Variants in CREBBP observed in about 807,000 individuals in gnomAD.
CREBBP encodes CREB binding lysine acetyltransferase.
A neutral mutation model predicts 265.0 loss-of-function variants in CREBBP; 19 were observed. That is an observed-to-expected ratio of 0.07 (90% CI 0.05 to 0.11). The LOEUF (loss-of-function observed/expected upper bound fraction) is 0.11, where lower values mean the gene tolerates loss of function less well. CREBBP is among the 10% of genes least tolerant of loss of function. The pLI is 1.00. For missense variants in CREBBP, 2,525 were observed against 3,219.0 expected (o/e 0.78, Z 5.22); for synonymous variants, 1,457 against 1,223.7 (o/e 1.19, Z -3.98).
At chr16:3,738,272 A>G (rs559026058) in intron 26 of CREBBP, among the ~76,000 whole-genome samples, 2 of 151,950 alleles carry the variant, frequency 1.3e-5, no homozygotes, top group South Asian at 2.1e-4. Flanking sequence ...TATATCCAAA[A>G]AAGGGGAATT....
chr16:3,725,663 T>C lies in CREBBP; in HGVS notation c.*2055A>G, dbSNP rs1382847839. On this transcript the variant is annotated 3_prime_UTR_variant, in exon 31 of 31. Transcript: ENST00000262367. ...TATTTTTACTTGAATTATTCTGCAT[T>C]TTATAACTCAAGGTTCAAAGCTCTG... The C allele has an allele frequency of 1.7e-5, 4 of 233,198 alleles. No homozygotes were observed. The highest frequency in any genetic ancestry group is 3.4e-5 in the Non-Finnish European group (4 of 118,074). 14.4% of individuals were successfully genotyped at this position (233,198 alleles called of 1,614,324 possible). A position where few individuals can be genotyped will look rare whatever the true frequency, so the allele number is the denominator to read the frequency against.
intron 28 of CREBBP, among the ~76,000 whole-genome samples, chr16:3,735,452 A>G (rs374202521): frequency 1.4e-4 from 22 of 152,032 alleles, no homozygotes; most frequent in Non-Finnish European, 2.8e-4. Flanking sequence ...GCCCCCTCCC[A>G]CAACCGGCTA....
At chr16:3,769,090 C>T in intron 15 of CREBBP, 84 bp downstream of exon 15, 3 of 1,473,580 alleles carry the variant, frequency 2.0e-6, no homozygotes, top group Non-Finnish European at 2.8e-6. Flanking sequence ...CAGGGATACC[C>T]ATGGCAGGCT....
intron 2 of CREBBP, among the ~76,000 whole-genome samples, chr16:3,841,743 C>T (rs1274542015): frequency 1.3e-5 from 2 of 152,186 alleles, no homozygotes; most frequent in African/African-American, 2.4e-5. Context: ...TCTTTACTGA[C>T]TATATTCTGC....
chr16:3,841,583 G>A (rs775342255), intron 2 of CREBBP, among the ~76,000 whole-genome samples: 3 of 152,158 alleles, frequency 2.0e-5, no homozygotes, highest in Non-Finnish European at 4.4e-5. Context: ...CGAGGCTGCA[G>A]GGAGCCATGA....
chr16:3,857,388 G>C (rs1480181399), intron 1 of CREBBP, among the ~76,000 whole-genome samples: 1 of 152,148 alleles, frequency 6.6e-6, no homozygotes, highest in Non-Finnish European at 1.5e-5. Context: ...TTTTTAAAAG[G>C]CAAGATAGGG....
intron 2 of CREBBP, among the ~76,000 whole-genome samples, chr16:3,847,046 T>A (rs2054682389): frequency 6.6e-6 from 1 of 152,196 alleles, no homozygotes. Flanking sequence ...ATTGCTGCAC[T>A]AGCAAAAAGT....
chr16:3,809,711 T>C (rs989802853), intron 3 of CREBBP, among the ~76,000 whole-genome samples: 3 of 152,174 alleles, frequency 2.0e-5, no homozygotes, highest in Non-Finnish European at 2.9e-5. Context: ...GTGAAAGATA[T>C]ATAGGAATTC....
chr16:3,814,545 C>T (rs1441338449), intron 2 of CREBBP, among the ~76,000 whole-genome samples: 1 of 152,076 alleles, frequency 6.6e-6, no homozygotes, highest in Non-Finnish European at 1.5e-5. Flanking sequence ...GTATAAGCCA[C>T]CACGCCTGGC....
Position 3,769,323 on chromosome 16 carries a change from T to G in CREBBP, c.2911A>C (p.Arg971=). The G allele has an allele frequency of 6.2e-7, 1 of 1,614,192 alleles. No homozygotes were observed. The highest frequency in any genetic ancestry group is 1.1e-5 in the South Asian group (1 of 91,086). Residue 971 remains arginine, a synonymous_variant, in exon 15 of 31, where the codon AGA becomes CGA. Transcript: ENST00000262367. ...GCCACCGAGGAGGGGGTAGGGACTCTGTTATCAATGCTGGCTGCTGCCTGG... is the reference window on the plus strand; with the variant it reads ...GCCACCGAGGAGGGGGTAGGGACTCGGTTATCAATGCTGGCTGCTGCCTGG... ...LSQAAASIDN[R]VPTPSSVASA...
chr16:3,835,770 G>A (rs545134318), intron 2 of CREBBP, among the ~76,000 whole-genome samples: 17 of 151,460 alleles, frequency 1.1e-4, no homozygotes, highest in African/African-American at 3.9e-4. Flanking sequence ...TAGTAGAGAT[G>A]GGGGTTTCAC....
intron 3 of CREBBP, among the ~76,000 whole-genome samples, chr16:3,797,128 C>T (rs912510332): frequency 6.6e-6 from 1 of 152,182 alleles, no homozygotes; most frequent in Non-Finnish European, 1.5e-5. Context: ...CACTGGCAGG[C>T]AGGCACTGAG....
chr16:3,849,457 GTGTGTGTGTGT>G, intron 2 of CREBBP, among the ~76,000 whole-genome samples: 1 of 122,310 alleles, frequency 8.2e-6, no homozygotes, highest in Non-Finnish European at 1.8e-5. Flanking sequence ...GTGTGTGTGT[GTGTGTGTGTGT>G]GTGTGTGTGT....
intron 17 of CREBBP, among the ~76,000 whole-genome samples, chr16:3,758,343 T>C (rs986343609): frequency 6.6e-6 from 1 of 152,244 alleles, no homozygotes; most frequent in African/African-American, 2.4e-5. Flanking sequence ...AGATCTTTAA[T>C]CCACTGAATT....
intron 5 of CREBBP, among the ~76,000 whole-genome samples, chr16:3,787,427 C>T (rs549136737): frequency 6.6e-6 from 1 of 152,214 alleles, no homozygotes; most frequent in Admixed American, 6.5e-5. Flanking sequence ...TCAATCAAGC[C>T]CACCATTCTC....
intron 1 of CREBBP, among the ~76,000 whole-genome samples, chr16:3,852,843 T>A (rs2054880956): frequency 6.6e-6 from 1 of 152,056 alleles, no homozygotes; most frequent in Non-Finnish European, 1.5e-5. Flanking sequence ...AAGCGTGGTC[T>A]ACACATGTCA....
chr16:3,791,883 C>T (rs2053516027), intron 5 of CREBBP, 98 bp downstream of exon 5: 11 of 1,057,234 alleles, frequency 1.0e-5, no homozygotes, highest in Non-Finnish European at 1.6e-5. Flanking sequence ...CACTCCATGG[C>T]TCATAACCCC....
chr16:3,733,344 A>C (rs2051967074), intron 28 of CREBBP, among the ~76,000 whole-genome samples: 1 of 147,116 alleles, frequency 6.8e-6, no homozygotes, highest in Admixed American at 6.7e-5. Flanking sequence ...CCTGGGCGAC[A>C]GAGCGAGACT....
intron 23 of CREBBP, chr16:3,740,950 G>C (rs2052189584): frequency 2.8e-6 from 1 of 353,586 alleles, no homozygotes; most frequent in Non-Finnish European, 5.5e-6. Context: ...GCTCTGAGGA[G>C]AAAGTCCCTA....
Sources: allele counts gnomAD v4.1 joint callset (sites outside exome capture counted in the v4.1 genomes callset), GRCh38; gene constraint gnomAD v4.1.1; transcripts MANE v1.5; gene names NCBI Gene and HGNC (gene_info 2026-07-23, HGNC 2026-07-21).